Variants in KIF1A observed in about 807,000 individuals in gnomAD.
KIF1A encodes the protein kinesin-like protein KIF1A.
Under a neutral mutation model 227.3 loss-of-function variants are expected in KIF1A, and 46 were observed. The ratio of observed to expected loss-of-function variants is 0.20; its 90% CI spans 0.16 to 0.26. The LOEUF (loss-of-function observed/expected upper bound fraction) is 0.26, where lower values mean the gene tolerates loss of function less well. KIF1A is among the 10% of genes least tolerant of loss of function. The probability of loss-of-function intolerance (pLI) is 1.00; values close to 1 mark genes in which losing one functional copy is unlikely to be tolerated. For missense variants in KIF1A, 1,683 were observed against 2,485.9 expected (o/e 0.68, Z 6.87); for synonymous variants, 1,022 against 1,012.8 (o/e 1.01, Z -0.17).
rs375646700 is a variant in KIF1A at position 240,741,277 on chromosome 2, G to A, written c.3741C>T (p.Ala1247=). ...LVYFEICELE[A]NGDYIPAVVD... ...CCAGCACCAGCACTCACTCGCCGTT[G>A]GCCTCCAGCTCACAGATCTCGAAGT... Residue 1247 remains alanine, a synonymous_variant, in exon 35 of 49, where the codon GCC becomes GCT. Coordinates refer to ENST00000498729, the MANE Select transcript of KIF1A (RefSeq NM_001244008.2). 6.5e-5 allele frequency: 103 copies of A among 1,591,614 alleles called. No homozygotes were observed. The highest frequency in any genetic ancestry group is 7.8e-5 in the Non-Finnish European group (91 of 1,171,952).
At chr2:240,785,489 A>G (rs532619589) in intron 6 of KIF1A, among the ~76,000 whole-genome samples, 13 of 152,310 alleles carry the variant, frequency 8.5e-5, no homozygotes, top group Middle Eastern at 3.4e-3. Flanking sequence ...CGGCTCTGGG[A>G]AGCCCAAGGA....
chr2:240,813,652 C>A (rs1029237126), intron 1 of KIF1A, among the ~76,000 whole-genome samples: 23 of 152,108 alleles, frequency 1.5e-4, no homozygotes, highest in Non-Finnish European at 2.4e-4. Context: ...CAGGGCCTGC[C>A]ATGGACACCC....
At chr2:240,776,071 G>A (rs2052691849) in intron 10 of KIF1A, 145 bp from the exon 11 acceptor site, 2 of 661,262 alleles carry the variant, frequency 3.0e-6, no homozygotes, top group East Asian at 2.8e-5. Flanking sequence ...CACATTCTCA[G>A]GCTGCCCAGG....
At chr2:240,718,983 G>C in intron 47 of KIF1A, 23 bp downstream of exon 47, 1 of 1,583,150 alleles carries the variant, frequency 6.3e-7, no homozygotes, top group African/African-American at 1.3e-5. Context: ...TGGTGCCCGA[G>C]CCTGAGCCGG....
intron 1 of KIF1A, among the ~76,000 whole-genome samples, chr2:240,800,997 C>CTTTTAT (rs111772073): frequency 2.0e-5 from 3 of 151,312 alleles, no homozygotes; most frequent in African/African-American, 2.4e-5. Flanking sequence ...CCTCTACACT[C>CTTTTAT]TTTTATTTTT....
chr2:240,760,044 C>T (rs2050326233), intron 25 of KIF1A, among the ~76,000 whole-genome samples: 1 of 151,680 alleles, frequency 6.6e-6, no homozygotes, highest in Non-Finnish European at 1.5e-5. Context: ...AAATTAAGGG[C>T]TCAAGACAAA....
chr2:240,799,650 T>G (rs894716101), intron 1 of KIF1A, among the ~76,000 whole-genome samples: 6 of 152,210 alleles, frequency 3.9e-5, no homozygotes, highest in African/African-American at 1.2e-4. Context: ...CTTTTAAAAC[T>G]GGAAAAAGTC....
chr2:240,743,470 C>G (rs547111376), intron 33 of KIF1A, among the ~76,000 whole-genome samples: 5 of 152,294 alleles, frequency 3.3e-5, no homozygotes, highest in Admixed American at 3.3e-4. Flanking sequence ...GGTGAGATGG[C>G]CTGAGTGGAA....
intron 1 of KIF1A, among the ~76,000 whole-genome samples, chr2:240,800,972 G>A (rs2056914684): frequency 6.6e-6 from 1 of 150,846 alleles, no homozygotes; most frequent in African/African-American, 2.5e-5. Context: ...GAGAGAAAAT[G>A]GAAGCCATCT....
At chr2:240,750,808 C>G (rs539053665) in intron 27 of KIF1A, among the ~76,000 whole-genome samples, 4 of 152,224 alleles carry the variant, frequency 2.6e-5, no homozygotes, top group African/African-American at 9.6e-5. Flanking sequence ...CAGCTGGGCC[C>G]GGACCTGGCT....
chr2:240,775,749 T>G lies in KIF1A; in HGVS notation c.958+102A>C. The G allele has an allele frequency of 2.5e-6, 2 of 787,478 alleles. No homozygotes were observed. The highest frequency in any genetic ancestry group is 4.5e-6 in the Non-Finnish European group (2 of 447,200). The allele number at this position is 787,478 out of a possible 1,614,324, so 48.8% of individuals were successfully genotyped here. On this transcript the variant is annotated intron_variant, in intron 11 of 48. Transcript: ENST00000498729. This position sits in a 1 kb window ranked among gnomAD's most constrained non-coding sequence, Gnocchi z 5.5. ...CCTCCCAGCCTCAGCCCAGAAAGGG[T>G]GAGAGGCCTGCTGGCGACTGGGCAC...
At chr2:240,737,208 G>A in intron 37 of KIF1A, 40 bp from the exon 38 acceptor site, 2 of 1,540,362 alleles carry the variant, frequency 1.3e-6, no homozygotes, top group Non-Finnish European at 1.8e-6. Flanking sequence ...CTTCCCAGGG[G>A]GCAGGTGGGA....
rs1047174821 is a variant in KIF1A, at chr2:240,725,187, A to G, written c.4256+84T>C. 3 of 1,463,584 alleles carry G rather than the reference A, an allele frequency of 2.0e-6. No individual in the cohort carries two copies. The African/African-American group carries it at 4.3e-5, about 21-fold the overall frequency. 90.7% of individuals were successfully genotyped at this position (1,463,584 alleles called of 1,614,324 possible). A position where few individuals can be genotyped will look rare whatever the true frequency, so the allele number is the denominator to read the frequency against. ...ACAGGGTGAGCTGCCGGGTGGCCCA[A>G]GGACCGCTGCCAGGCAGAGCCCTGC... On this transcript the variant is annotated intron_variant, in intron 40 of 48. Transcript: ENST00000498729. This position sits in a 1 kb window ranked among gnomAD's most constrained non-coding sequence, Gnocchi z 5.8.
At chr2:240,732,856 G>A (rs1372023973) in intron 38 of KIF1A, among the ~76,000 whole-genome samples, 3 of 122,580 alleles carry the variant, frequency 2.4e-5, no homozygotes, top group African/African-American at 6.4e-5. Flanking sequence ...AGGGGATGAG[G>A]GTATGAGGAA....
chr2:240,789,100 C>T lies in KIF1A; in HGVS notation c.183+136G>A. 1.4e-6 allele frequency: 1 copy of T among 693,482 alleles called. No individual in the cohort carries two copies. The highest frequency in any genetic ancestry group is 1.8e-5 in the South Asian group (1 of 56,882). 43.0% of individuals were successfully genotyped at this position (693,482 alleles called of 1,614,324 possible). A position where few individuals can be genotyped will look rare whatever the true frequency, so the allele number is the denominator to read the frequency against. Reference sequence around the variant, plus strand: ...CTTCGCTGAGGACCGCTCAGGGTGACCTTCCAGGGGAGCAGGGTGGGGTCC... The same window carrying T: ...CTTCGCTGAGGACCGCTCAGGGTGATCTTCCAGGGGAGCAGGGTGGGGTCC... On this transcript the variant is annotated intron_variant, in intron 3 of 48. Coordinates refer to ENST00000498729, the MANE Select transcript of KIF1A (RefSeq NM_001244008.2). This position sits in a 1 kb window ranked among gnomAD's most constrained non-coding sequence, Gnocchi z 4.8.
chr2:240,777,642 G>A (rs966741440), intron 10 of KIF1A, among the ~76,000 whole-genome samples: 16 of 152,150 alleles, frequency 1.1e-4, no homozygotes, highest in Non-Finnish European at 1.0e-4. Flanking sequence ...CGTCACCAGC[G>A]CACATGGCCT....
rs771502751 is a variant in KIF1A, at chr2:240,788,041, C to T, written c.363+10G>A. On this transcript the variant is annotated intron_variant, in intron 4 of 48. Transcript: ENST00000498729. This position sits in a 1 kb window ranked among gnomAD's most constrained non-coding sequence, Gnocchi z 6.6. ...GCCAGGGCTGCCCCCGCCCGCCCCC[C>T]GCTTCGTGCCTGTGGGATGATGCCC... The T allele has an allele frequency of 8.5e-6, 13 of 1,520,564 alleles. 1 individual carries two copies. The highest frequency in any genetic ancestry group is 4.0e-5 in the Admixed American group (2 of 49,682). 94.2% of individuals were successfully genotyped at this position (1,520,564 alleles called of 1,614,324 possible). A position where few individuals can be genotyped will look rare whatever the true frequency, so the allele number is the denominator to read the frequency against.
intron 45 of KIF1A, chr2:240,720,326 C>T (rs796686665): frequency 7.8e-5 from 13 of 166,652 alleles, no homozygotes; most frequent in African/African-American, 2.6e-4. Context: ...GTGCCGATGG[C>T]CTCCCGCATG....
intron 1 of KIF1A, among the ~76,000 whole-genome samples, chr2:240,801,385 C>T (rs112248634): frequency 0.04 from 6,013 of 151,788 alleles, 174 homozygotes; most frequent in Non-Finnish European, 0.061. Flanking sequence ...GAGATAGACA[C>T]AGTTGAAGAC....
Sources: gnomAD v4.1 joint callset for allele counts (sites outside exome capture counted in the v4.1 genomes callset) on GRCh38, gnomAD v4.1.1 for gene constraint, Gnocchi (gnomAD v3.1) non-coding constraint, MANE v1.5 for transcripts, NCBI Gene and HGNC (gene_info 2026-07-23, HGNC 2026-07-21) for gene names.